RBFOX1: variants seen among roughly 807,000 people sequenced by gnomAD.
RBFOX1 encodes RNA binding fox-1 homolog 1.
A neutral mutation model predicts 57.7 loss-of-function variants in RBFOX1; 8 were observed. The ratio of observed to expected loss-of-function variants is 0.14; its 90% CI spans 0.08 to 0.25. The LOEUF (loss-of-function observed/expected upper bound fraction) is 0.25. Among genes scored for constraint, RBFOX1 ranks in the 10% least tolerant of loss-of-function variants. RBFOX1 has a pLI of 1.00. For synonymous variants in RBFOX1, 326 were observed against 222.4 expected (o/e 1.47, Z -4.15); for missense variants, 611 against 548.5 (o/e 1.11, Z -1.14).
At chr16:6,508,047 G>T (rs997882850) in intron 2 of RBFOX1, among the ~76,000 whole-genome samples, 1 of 152,120 alleles carries the variant, frequency 6.6e-6, no homozygotes, top group African/African-American at 2.4e-5. Flanking sequence ...AAAAGAAAAA[G>T]ATCATGTCCT....
chr16:6,360,600 C>T lies in RBFOX1; in HGVS notation c.-64+43543C>T, dbSNP rs185996622. Reference sequence around the variant, plus strand: ...ATCCAATATTATTATGGAGCTGTAACACTCTGGTGAAGGATGGACCATCTA... The same window carrying T: ...ATCCAATATTATTATGGAGCTGTAATACTCTGGTGAAGGATGGACCATCTA... On this transcript the variant is annotated intron_variant, in intron 2 of 15. Coordinates refer to ENST00000550418, the MANE Select transcript of RBFOX1 (RefSeq NM_018723.4). Among the ~76,000 whole-genome samples, 15 of 152,338 alleles carry T rather than the reference C, an allele frequency of 9.8e-5. No individual in the cohort carries two copies. The East Asian group carries it at 2.9e-3, about 29-fold the overall frequency.
intron 4 of RBFOX1, among the ~76,000 whole-genome samples, chr16:7,169,478 A>T (rs755146791): frequency 6.6e-6 from 1 of 152,194 alleles, no homozygotes; most frequent in Non-Finnish European, 1.5e-5. Flanking sequence ...TGCCTCTTCA[A>T]GTTGTCACAC....
intron 3 of RBFOX1, among the ~76,000 whole-genome samples, chr16:6,931,042 G>C (rs368342390): frequency 6.6e-6 from 1 of 152,014 alleles, no homozygotes; most frequent in East Asian, 1.9e-4. Flanking sequence ...ATCAGGTTTT[G>C]TTGGTTTGTT....
At chr16:7,510,197 A>C (rs1047593533) in intron 4 of RBFOX1, 1 of 985,768 alleles carries the variant, frequency 1.0e-6, no homozygotes, top group Non-Finnish European at 1.2e-6. Context: ...CACACATTGC[A>C]CAGCGCGCAC....
At chr16:6,300,960 A>G (rs1390211532) in intron 1 of RBFOX1, among the ~76,000 whole-genome samples, 4 of 152,230 alleles carry the variant, frequency 2.6e-5, no homozygotes, top group Non-Finnish European at 4.4e-5. Flanking sequence ...TGGTTTTCAC[A>G]AAGTGGGAAC....
intron 4 of RBFOX1, among the ~76,000 whole-genome samples, chr16:7,231,071 C>T (rs1029056112): frequency 1.3e-5 from 2 of 152,114 alleles, no homozygotes; most frequent in African/African-American, 4.8e-5. Context: ...GGAGAGTATC[C>T]TCCAGAATCT....
intron 4 of RBFOX1, among the ~76,000 whole-genome samples, chr16:7,189,221 C>A (rs1476365529): frequency 6.6e-6 from 1 of 151,698 alleles, no homozygotes; most frequent in Admixed American, 6.6e-5. Flanking sequence ...GTCAGGCGAT[C>A]GAGACCATCC....
intron 3 of RBFOX1, among the ~76,000 whole-genome samples, chr16:5,751,451 A>G (rs960630634): frequency 1.3e-5 from 2 of 152,212 alleles, no homozygotes; most frequent in African/African-American, 4.8e-5. Flanking sequence ...AAGTTAATAC[A>G]TCCACTGTAG....
At chr16:6,993,482 A>G (rs2091821217) in intron 3 of RBFOX1, among the ~76,000 whole-genome samples, 1 of 152,152 alleles carries the variant, frequency 6.6e-6, no homozygotes, top group East Asian at 1.9e-4. Context: ...GGGGAAAGCC[A>G]TCCTGTTGCA....
intron 4 of RBFOX1, among the ~76,000 whole-genome samples, chr16:7,079,048 C>T (rs1388198555): frequency 6.6e-6 from 1 of 151,568 alleles, no homozygotes; most frequent in South Asian, 2.1e-4. Flanking sequence ...TGGGGGGAAA[C>T]ATGGTTCAAC....
At chr16:6,172,470 G>A (rs1241658327) in intron 1 of RBFOX1, among the ~76,000 whole-genome samples, 1 of 152,142 alleles carries the variant, frequency 6.6e-6, no homozygotes, top group Non-Finnish European at 1.5e-5. Flanking sequence ...TTCCTTGGCT[G>A]TCAACCAAAA....
chr16:5,819,717 C>T (rs920668374), intron 3 of RBFOX1, among the ~76,000 whole-genome samples: 2 of 152,336 alleles, frequency 1.3e-5, no homozygotes, highest in Admixed American at 6.5e-5. Flanking sequence ...CTCTGCCATG[C>T]CCACCAGGTG....
At chr16:7,582,773 A>T (rs1567950712) in intron 6 of RBFOX1, among the ~76,000 whole-genome samples, 1 of 152,204 alleles carries the variant, frequency 6.6e-6, no homozygotes, top group African/African-American at 2.4e-5. Flanking sequence ...GTTTACAGTG[A>T]GGACAATTAC....
chr16:6,213,488 C>G lies in RBFOX1; in HGVS notation c.-126-103507C>G, dbSNP rs561127031. Among the ~76,000 whole-genome samples, 4 of 152,296 alleles carry G rather than the reference C, an allele frequency of 2.6e-5. No individual in the cohort carries two copies. The South Asian group carries it at 8.3e-4, about 32-fold the overall frequency. ...TGCATTTGAACTACTGCCTGAGAGTCTCTGGCTGCCTTGACACTCTAACAG... is the reference window on the plus strand; with the variant it reads ...TGCATTTGAACTACTGCCTGAGAGTGTCTGGCTGCCTTGACACTCTAACAG... On this transcript the variant is annotated intron_variant, in intron 1 of 15. Transcript: ENST00000550418.
intron 3 of RBFOX1, among the ~76,000 whole-genome samples, chr16:6,919,251 G>A (rs554322977): frequency 6.6e-6 from 1 of 152,134 alleles, no homozygotes; most frequent in African/African-American, 2.4e-5. Flanking sequence ...CCAAAGTGCT[G>A]GGCTGGGATT....
chr16:7,395,639 G>A (rs565810730), intron 4 of RBFOX1, among the ~76,000 whole-genome samples: 1 of 152,312 alleles, frequency 6.6e-6, no homozygotes, highest in African/African-American at 2.4e-5. Flanking sequence ...AGGTTCTCAT[G>A]TATATGTAGC....
intron 4 of RBFOX1, among the ~76,000 whole-genome samples, chr16:7,214,539 G>C (rs2091709891): frequency 6.6e-6 from 1 of 151,798 alleles, no homozygotes; most frequent in Admixed American, 6.6e-5. Flanking sequence ...ACAGGAAACC[G>C]CTGTGGTTTC....
At chr16:5,283,559 A>C (rs1362440285) in intron 1 of RBFOX1, among the ~76,000 whole-genome samples, 2 of 152,070 alleles carry the variant, frequency 1.3e-5, no homozygotes, top group Non-Finnish European at 2.9e-5. Context: ...ATGGGAGCCC[A>C]CCTCTTACAT....
chr16:5,515,554 A>G (rs73512235), intron 2 of RBFOX1, among the ~76,000 whole-genome samples: 5,624 of 152,336 alleles, frequency 0.037, 341 homozygotes, highest in African/African-American at 0.13. Flanking sequence ...GGCTGTTTTA[A>G]TTGAGATATT....
Sources: gnomAD v4.1 joint callset for allele counts (sites outside exome capture counted in the v4.1 genomes callset) on GRCh38, gnomAD v4.1.1 for gene constraint, MANE v1.5 for transcripts, NCBI Gene and HGNC (gene_info 2026-07-23, HGNC 2026-07-21) for gene names.